Variants in IQCH observed in about 807,000 individuals in gnomAD.
IQCH encodes IQ motif containing H, also known as IQ domain-containing protein H.
IQCH carries 98 observed loss-of-function variants against 117.0 expected under a neutral mutation model. The observed-to-expected ratio is 0.84, with a 90% CI of 0.71 to 0.99. IQCH has a LOEUF of 0.99. IQCH is among the 50% of genes least tolerant of loss of function. The pLI is 0.00. For synonymous variants in IQCH, 412 were observed against 448.2 expected (o/e 0.92, Z 1.02); for missense variants, 1,102 against 1,243.8 (o/e 0.89, Z 1.72).
rs765177601 is a variant in IQCH at position 67,357,439 on chromosome 15, T to G, written c.714+18T>G. The stretch of plus-strand genomic sequence containing the variant: ...GATCAAAGGTATTTATATTCCTCAC[T>G]ATAGAAAGAAAATTATTCTTATTTA... On this transcript the variant is annotated intron_variant, in intron 7 of 20. Transcript: ENST00000335894. 7.5e-6 allele frequency: 11 copies of G among 1,471,016 alleles called. No individual in the cohort carries two copies. In the East Asian group the frequency reaches 2.5e-4, roughly 33 times the overall value. The allele number at this position is 1,471,016 out of a possible 1,614,324, so 91.1% of individuals were successfully genotyped here. A position where few individuals can be genotyped will look rare whatever the true frequency, so the allele number is the denominator to read the frequency against.
Position 67,255,014 on chromosome 15 carries a change from G to T in IQCH, c.51+67G>T, listed in dbSNP as rs946493173. The stretch of plus-strand genomic sequence containing the variant: ...GCCACTTCCGAGCGAGGTCCCGCGC[G>T]CCGATTCACCGACGCTCACCCATTT... On this transcript the variant is annotated intron_variant, in intron 1 of 20. Transcript: ENST00000335894. 18 of 1,491,844 alleles carry T rather than the reference G, an allele frequency of 1.2e-5. No homozygotes were observed. The African/African-American group carries it at 2.5e-4, about 21-fold the overall frequency. The allele number at this position is 1,491,844 out of a possible 1,614,324, so 92.4% of individuals were successfully genotyped here.
At chr15:67,268,813 A>C (rs1447377802) in intron 3 of IQCH, among the ~76,000 whole-genome samples, 2 of 152,186 alleles carry the variant, frequency 1.3e-5, no homozygotes, top group Non-Finnish European at 2.9e-5. Context: ...GAAAGCATGC[A>C]TAACAAGATG....
intron 18 of IQCH, among the ~76,000 whole-genome samples, chr15:67,486,756 A>G (rs1025926718): frequency 6.6e-6 from 1 of 152,222 alleles, no homozygotes; most frequent in African/African-American, 2.4e-5. Flanking sequence ...GGTGAGGTTA[A>G]TTTTTAAAAT....
chr15:67,331,905 T>A lies in IQCH; in HGVS notation c.388-5070T>A, dbSNP rs141961827. Among the ~76,000 whole-genome samples the A allele has an allele frequency of 2.6e-3, 393 of 152,274 alleles. 1 individual carries two copies. Among genetic ancestry groups the A allele is most frequent in the Non-Finnish European group, 3.8e-3 (260 of 68,014 alleles). ...CAGAGGTTACACAGATCACTTCTGC[T>A]TACAACTTATTGGCTGGAATTTGGT... On this transcript the variant is annotated intron_variant, in intron 4 of 20. Coordinates refer to ENST00000335894, the MANE Select transcript of IQCH (RefSeq NM_001031715.3).
rs1032909572 is a variant in IQCH, at chr15:67,453,521, C to T, written c.2506-11606C>T. The stretch of plus-strand genomic sequence containing the variant: ...ACACTGTTTGCCTGGGTATCAGCAG[C>T]GGTGGCTGCAGAACAGTGGATTTTG... On this transcript the variant is annotated intron_variant, in intron 16 of 20. Coordinates refer to ENST00000335894, the MANE Select transcript of IQCH (RefSeq NM_001031715.3). The surrounding 1 kb of genome is among the most constrained non-coding windows in gnomAD (Gnocchi z 5.8). Among the ~76,000 whole-genome samples, 16 of 152,190 alleles carry T rather than the reference C, an allele frequency of 1.1e-4. No individual in the cohort carries two copies. The highest frequency in any genetic ancestry group is 2.7e-4 in the African/African-American group (11 of 41,444).
At chr15:67,410,800 A>T (rs1037223801) in intron 14 of IQCH, among the ~76,000 whole-genome samples, 1 of 152,200 alleles carries the variant, frequency 6.6e-6, no homozygotes. Flanking sequence ...ATTTTCATAC[A>T]TTTGACAGCA....
chr15:67,314,916 G>C (rs1339302093), intron 4 of IQCH, among the ~76,000 whole-genome samples: 1 of 152,122 alleles, frequency 6.6e-6, no homozygotes, highest in African/African-American at 2.4e-5. Flanking sequence ...AAATCCTCTG[G>C]TTCAGAAACA....
chr15:67,350,934 G>C (rs143829414), intron 6 of IQCH, among the ~76,000 whole-genome samples: 10 of 152,258 alleles, frequency 6.6e-5, no homozygotes, highest in African/African-American at 2.2e-4. Context: ...CTGGAGAAGT[G>C]GAATTCTAAG....
chr15:67,339,757 A>C (rs914749942), intron 5 of IQCH, among the ~76,000 whole-genome samples: 1 of 152,250 alleles, frequency 6.6e-6, no homozygotes, highest in Non-Finnish European at 1.5e-5. Context: ...GGCTGGTCTC[A>C]GTAGGTTTGG....
chr15:67,258,959 A>C (rs967270356), intron 1 of IQCH, among the ~76,000 whole-genome samples: 1 of 152,178 alleles, frequency 6.6e-6, no homozygotes, highest in African/African-American at 2.4e-5. Context: ...GGTTGTTAAG[A>C]GGGGAGGAGA....
chr15:67,362,174 CACACGTATATTT>C (rs1970163978), intron 8 of IQCH, among the ~76,000 whole-genome samples: 4 of 151,666 alleles, frequency 2.6e-5, no homozygotes, highest in Admixed American at 6.6e-5. Flanking sequence ...CACACACATA[CACACGTATATTT>C]ACAGCAAAGA....
chr15:67,301,648 G>A (rs1337266561), intron 4 of IQCH, among the ~76,000 whole-genome samples: 1 of 151,878 alleles, frequency 6.6e-6, no homozygotes, highest in African/African-American at 2.4e-5. Context: ...GACCTCAAAT[G>A]ATCCACCCAC....
In IQCH at chr15:67,493,688, T is replaced by C. The variant is rs1439531193; in HGVS notation, c.2862-570T>C. ...TTTTTAATTATTATACTTTAAGTTA[T>C]AGGGTACATGTGCACAACGTGCAGG... On this transcript the variant is annotated intron_variant, in intron 19 of 20. Coordinates refer to ENST00000335894, the MANE Select transcript of IQCH (RefSeq NM_001031715.3). This position sits in a 1 kb window ranked among gnomAD's most constrained non-coding sequence, Gnocchi z 5.1. 6.6e-6 allele frequency among the ~76,000 whole-genome samples: 1 copy of C among 152,218 alleles called. No homozygotes were observed. The highest frequency in any genetic ancestry group is 1.5e-5 in the Non-Finnish European group (1 of 68,022).
At chr15:67,499,316 A>AAAAAAAAAAAAAAAAAAAAAAAAAAAAAC (rs2083915649) in intron 20 of IQCH, among the ~76,000 whole-genome samples, 1 of 151,272 alleles carries the variant, frequency 6.6e-6, no homozygotes, top group African/African-American at 2.4e-5. Context: ...AAAAAAAAAA[A>AAAAAAAAAAAAAAAAAAAAAAAAAAAAAC]AAAAAAGATG....
intron 16 of IQCH, among the ~76,000 whole-genome samples, chr15:67,461,646 G>A (rs1491001597): frequency 6.6e-6 from 1 of 152,242 alleles, no homozygotes; most frequent in Non-Finnish European, 1.5e-5. Context: ...GAGAACCAAG[G>A]GGTTAGGGCA....
Position 67,344,196 on chromosome 15 carries a change from G to C in IQCH, c.637+5G>C. On this transcript the variant is annotated splice_donor_5th_base_variant and intron_variant, in intron 6 of 20. Transcript: ENST00000335894. ...CACGTAAGATTCCAACTGTAGGTAA[G>C]ATACTCATGCATCTCAGTTCAGTTG... 6.2e-7 allele frequency: 1 copy of C among 1,612,422 alleles called. No homozygotes were observed. Among genetic ancestry groups the C allele is most frequent in the Non-Finnish European group, 8.5e-7 (1 of 1,179,322 alleles).
intron 6 of IQCH, among the ~76,000 whole-genome samples, chr15:67,349,085 C>T (rs1004134735): frequency 6.6e-6 from 1 of 152,186 alleles, no homozygotes; most frequent in Admixed American, 6.5e-5. Flanking sequence ...TTAACCCATT[C>T]CTTGCACCAT....
intron 4 of IQCH, among the ~76,000 whole-genome samples, chr15:67,288,863 C>A (rs1003335950): frequency 1.3e-5 from 2 of 152,096 alleles, no homozygotes; most frequent in Non-Finnish European, 2.9e-5. Context: ...GCACTGTGGG[C>A]TACAGAATCA....
At position 67,395,842 on chromosome 15, in the gene IQCH, G is replaced by C. The variant is rs765905987; in HGVS notation, c.1905+279G>C. 6.6e-6 allele frequency among the ~76,000 whole-genome samples: 1 copy of C among 151,754 alleles called. No individual in the cohort carries two copies. The highest frequency in any genetic ancestry group is 1.5e-5 in the Non-Finnish European group (1 of 67,928). The stretch of plus-strand genomic sequence containing the variant: ...TTTCTGTGACTTCCAGCTAATTTTT[G>C]TATTTTTAGTAGAGATGGGGTTTCA... On this transcript the variant is annotated intron_variant, in intron 13 of 20. Transcript: ENST00000335894. The surrounding 1 kb of genome is among the most constrained non-coding windows in gnomAD (Gnocchi z 4.0).
Sources: gnomAD v4.1 joint callset for allele counts (sites outside exome capture counted in the v4.1 genomes callset) on GRCh38, gnomAD v4.1.1 for gene constraint, Gnocchi (gnomAD v3.1) non-coding constraint, MANE v1.5 for transcripts, NCBI Gene and HGNC (gene_info 2026-07-23, HGNC 2026-07-21) for gene names.